The following STK3 variants were observed in gnomAD, a reference collection of about 807,000 sequenced individuals.
STK3 encodes serine/threonine kinase 3.
A neutral mutation model predicts 58.0 loss-of-function variants in STK3; 41 were observed. The ratio of observed to expected loss-of-function variants is 0.71; its 90% CI spans 0.55 to 0.92. The LOEUF (loss-of-function observed/expected upper bound fraction) is 0.92. STK3 is among the 40% of genes least tolerant of loss of function. STK3 has a pLI of 0.00. For synonymous variants in STK3, 170 were observed against 191.0 expected (o/e 0.89, Z 0.91); for missense variants, 479 against 602.7 (o/e 0.79, Z 2.15).
intron 9 of STK3, among the ~76,000 whole-genome samples, chr8:98,535,532 G>T (rs1220220619): frequency 1.3e-5 from 2 of 151,302 alleles, no homozygotes; most frequent in African/African-American, 4.9e-5. Flanking sequence ...TCCTCAACTG[G>T]GAGATAAGAA....
intron 4 of STK3, among the ~76,000 whole-genome samples, chr8:98,723,435 T>C (rs931895847): frequency 1.3e-5 from 2 of 152,124 alleles, no homozygotes; most frequent in Non-Finnish European, 2.9e-5. Context: ...ATTTAATATG[T>C]CACTGTGTAT....
intron 6 of STK3, among the ~76,000 whole-genome samples, chr8:98,639,797 C>T (rs764377994): frequency 6.6e-6 from 1 of 152,080 alleles, no homozygotes; most frequent in African/African-American, 2.4e-5. Flanking sequence ...AACAAAGACA[C>T]GCCTTTGTTC....
intron 1 of STK3, among the ~76,000 whole-genome samples, chr8:98,440,171 G>C (rs1185229354): frequency 6.6e-6 from 1 of 152,172 alleles, no homozygotes; most frequent in Non-Finnish European, 1.5e-5. Flanking sequence ...GAGAGGCACA[G>C]ACGGACAAAA....
At chr8:98,580,709 C>T (rs1813807220) in intron 7 of STK3, among the ~76,000 whole-genome samples, 1 of 152,182 alleles carries the variant, frequency 6.6e-6, no homozygotes, top group African/African-American at 2.4e-5. Flanking sequence ...ACCTCCTGGG[C>T]TCAAGTGATC....
chr8:98,913,646 A>T (rs1839233245), intron 1 of STK3, among the ~76,000 whole-genome samples: 1 of 152,230 alleles, frequency 6.6e-6, no homozygotes, highest in Non-Finnish European at 1.5e-5. Context: ...CAGTGTACAA[A>T]CCTGTTGCAC....
At chr8:98,388,744 C>G (rs1009624004), upstream of STK3, among the ~76,000 whole-genome samples, 5 of 152,098 alleles carry the variant, frequency 3.3e-5, no homozygotes, top group Non-Finnish European at 7.4e-5. Context: ...TTGAGTCAAA[C>G]GTCAAAAAAT....
intron 10 of STK3, among the ~76,000 whole-genome samples, chr8:98,494,807 T>C (rs371608708): frequency 1.3e-5 from 2 of 152,104 alleles, no homozygotes; most frequent in South Asian, 2.1e-4. Context: ...GTGGTGATGC[T>C]GGAAAAGCCC....
At chr8:98,466,742 T>C (rs1245936728) in intron 10 of STK3, among the ~76,000 whole-genome samples, 1 of 152,222 alleles carries the variant, frequency 6.6e-6, no homozygotes, top group East Asian at 1.9e-4. Context: ...TTGTGGTTAG[T>C]ATTATCCTAG....
chr8:98,510,212 T>G (rs1329599473), intron 10 of STK3, among the ~76,000 whole-genome samples: 1 of 152,122 alleles, frequency 6.6e-6, no homozygotes, highest in Admixed American at 6.6e-5. Flanking sequence ...GCCCCTTTTG[T>G]TATGCTGCTA....
intron 10 of STK3, among the ~76,000 whole-genome samples, chr8:98,492,966 C>A (rs988828218): frequency 2.0e-5 from 3 of 151,836 alleles, no homozygotes; most frequent in African/African-American, 7.3e-5. Context: ...CATGGTGGCT[C>A]ACACCTGTAA....
chr8:98,512,256 T>C (rs564834763), intron 10 of STK3, among the ~76,000 whole-genome samples: 1 of 152,106 alleles, frequency 6.6e-6, no homozygotes, highest in Non-Finnish European at 1.5e-5. Flanking sequence ...GTAATCTAGA[T>C]GTAATTTGTT....
intron 6 of STK3, chr8:98,638,516 C>G (rs369006435): frequency 6.6e-6 from 1 of 152,158 alleles, no homozygotes; most frequent in Non-Finnish European, 1.5e-5. Flanking sequence ...GTACTCATAT[C>G]CATTTTCAAC....
intron 3 of STK3, among the ~76,000 whole-genome samples, chr8:98,760,422 G>A (rs553971688): frequency 2.6e-5 from 4 of 152,208 alleles, no homozygotes; most frequent in Non-Finnish European, 5.9e-5. Context: ...TTACAGGCGT[G>A]AGCCACTGTG....
chr8:98,440,996 C>T (rs145098953), intron 1 of STK3, among the ~76,000 whole-genome samples: 5 of 152,258 alleles, frequency 3.3e-5, no homozygotes, highest in Admixed American at 6.5e-5. Flanking sequence ...AGTCTGTGTA[C>T]GGAGCATCCT....
At chr8:98,730,286 T>C (rs898322463) in intron 4 of STK3, among the ~76,000 whole-genome samples, 1 of 152,236 alleles carries the variant, frequency 6.6e-6, no homozygotes, top group African/African-American at 2.4e-5. Context: ...TAAGAGTTGC[T>C]ATCTTCAGTC....
At chr8:98,856,845 A>T (rs544588510) in intron 3 of STK3, among the ~76,000 whole-genome samples, 1 of 152,364 alleles carries the variant, frequency 6.6e-6, no homozygotes, top group East Asian at 1.9e-4. Context: ...AATGTGGTAC[A>T]TCTATGTAAT....
At chr8:98,643,038 C>T (rs181109230) in intron 6 of STK3, among the ~76,000 whole-genome samples, 3 of 152,168 alleles carry the variant, frequency 2.0e-5, no homozygotes, top group Admixed American at 2.0e-4. Flanking sequence ...GCTTGAGCAA[C>T]ATAGTGAGAC....
intron 3 of STK3, chr8:98,393,632 T>C (rs759846332): frequency 2.0e-5 from 3 of 152,086 alleles, no homozygotes; most frequent in Non-Finnish European, 2.9e-5. Flanking sequence ...GCTAGTCTGC[T>C]AGAGGATAAG....
At position 98,412,253 on chromosome 8, in the gene STK3, G is replaced by C. The variant is rs76065184; in HGVS notation, n.484-10740C>G. Reference sequence around the variant, plus strand: ...GCTAACCTCCTCTCTACCCTCTACTGTCTCTAGGGCAGTGAGGTGGTTGGC... The same window carrying C: ...GCTAACCTCCTCTCTACCCTCTACTCTCTCTAGGGCAGTGAGGTGGTTGGC... On this transcript the variant is annotated intron_variant and non_coding_transcript_variant, in intron 3 of 3. Transcript: ENST00000517832. 1.1e-3 allele frequency among the ~76,000 whole-genome samples: 163 copies of C among 152,258 alleles called. 1 individual carries two copies. Among genetic ancestry groups the C allele is most frequent in the Non-Finnish European group, 1.7e-3 (119 of 68,008 alleles).
Sources: gnomAD v4.1 joint callset for allele counts (sites outside exome capture counted in the v4.1 genomes callset) on GRCh38, gnomAD v4.1.1 for gene constraint, MANE v1.5 for transcripts, NCBI Gene and HGNC (gene_info 2026-07-23, HGNC 2026-07-21) for gene names.